PCDH11X: variants seen among roughly 807,000 people sequenced by gnomAD.
The protein encoded by PCDH11X is protocadherin 11 X-linked.
PCDH11X carries 18 observed loss-of-function variants against 53.3 expected under a neutral mutation model. The ratio of observed to expected loss-of-function variants is 0.34; its 90% CI spans 0.23 to 0.50. The LOEUF (loss-of-function observed/expected upper bound fraction) is 0.50. Among genes scored for constraint, PCDH11X ranks in the 20% least tolerant of loss-of-function variants. The pLI, the probability that PCDH11X is intolerant of heterozygous loss-of-function variation, is 0.98. For synonymous variants in PCDH11X, 279 were observed against 393.3 expected, an observed-to-expected ratio of 0.71 and a Z score of 3.44; for missense variants, 570 against 1,032.4, an observed-to-expected ratio of 0.55 and a Z score of 6.14.
chrX:92,070,966 A>AT lies in PCDH11X; in HGVS notation c.3034-130397dup, dbSNP rs60055726. Among the ~76,000 whole-genome samples, 360 of 102,513 alleles carry AT rather than the reference A, an allele frequency of 3.5e-3. 1 individual carries two copies. The highest frequency in any genetic ancestry group is 4.3e-3 in the African/African-American group (121 of 28,127). The allele number at this position is 102,513 out of a possible 115,157, so 89.0% of individuals were successfully genotyped here. A position where few individuals can be genotyped will look rare whatever the true frequency, so the allele number is the denominator to read the frequency against. ...AGGCACGCGCCACCACACGCAGCTA[A>AT]TTTTTTTTTTTTGTATTTTTAGTAA... On this transcript the variant is annotated intron_variant, in intron 6 of 10. Transcript: ENST00000682573.
In PCDH11X at chrX:92,550,891, A is replaced by G. The variant is rs775776984; in HGVS notation, c.3368-67373A>G. On this transcript the variant is annotated intron_variant, in intron 10 of 10. Coordinates refer to ENST00000682573, the MANE Select transcript of PCDH11X (RefSeq NM_032968.5). The stretch of plus-strand genomic sequence containing the variant: ...ACTTAACATAATGATCTCCAGTTCC[A>G]TTCATATTGTTGCATATGACTGGAT... Among the ~76,000 whole-genome samples the G allele has an allele frequency of 9.9e-3, 1,075 of 108,380 alleles. 4 individuals are homozygous for G. The highest frequency in any genetic ancestry group is 0.016 in the Non-Finnish European group (844 of 51,936). 94.1% of individuals were successfully genotyped at this position (108,380 alleles called of 115,157 possible).
At chrX:92,536,760 C>T (rs1221454476) in intron 10 of PCDH11X, among the ~76,000 whole-genome samples, 2 of 103,823 alleles carry the variant, frequency 1.9e-5, no homozygotes, top group African/African-American at 3.5e-5. Context: ...CGGGATCAAG[C>T]GATCTCCCTG....
chrX:92,017,025 A>AG (rs1312366601), intron 6 of PCDH11X, among the ~76,000 whole-genome samples: 1 of 101,144 alleles, frequency 9.9e-6, no homozygotes, highest in East Asian at 3.2e-4. Flanking sequence ...CTCAGAAAAT[A>AG]GGTAGGCTGA....
At chrX:92,267,976 CA>C in intron 8 of PCDH11X, among the ~76,000 whole-genome samples, 1 of 111,836 alleles carries the variant, frequency 8.9e-6, no homozygotes, top group African/African-American at 3.3e-5. Context: ...TAATGGCCCC[CA>C]AAAGGCCCCA....
intron 8 of PCDH11X, among the ~76,000 whole-genome samples, chrX:92,363,495 T>C (rs2070392688): frequency 9.0e-6 from 1 of 110,844 alleles, no homozygotes; most frequent in African/African-American, 3.3e-5. Context: ...TAGGTTCTGA[T>C]TTTGTATCCT....
At chrX:92,485,479 A>G (rs745364861) in intron 10 of PCDH11X, among the ~76,000 whole-genome samples, 63 of 111,598 alleles carry the variant, frequency 5.6e-4, no homozygotes, top group African/African-American at 2.0e-3. Context: ...AGGACATGCA[A>G]TCTATCTGAT....
intron 6 of PCDH11X, among the ~76,000 whole-genome samples, chrX:92,134,540 A>G (rs1317963729): frequency 4.5e-5 from 5 of 111,367 alleles, no homozygotes; most frequent in Non-Finnish European, 9.4e-5. Context: ...AGGGGTCTCG[A>G]TCCAGACCTC....
chrX:92,558,033 A>G lies in PCDH11X; in HGVS notation c.3368-60231A>G, dbSNP rs1446378444. Among the ~76,000 whole-genome samples the G allele has an allele frequency of 3.6e-5, 4 of 111,436 alleles. No homozygotes were observed. The East Asian group carries it at 8.5e-4, about 24-fold the overall frequency. On this transcript the variant is annotated intron_variant, in intron 10 of 10. Coordinates refer to ENST00000682573, the MANE Select transcript of PCDH11X (RefSeq NM_032968.5). ...TCAGATCTTGTGAGAACTCACTAAC[A>G]TGAGAACAGCATGGGGATAACCACC...
intron 10 of PCDH11X, among the ~76,000 whole-genome samples, chrX:92,599,044 T>C (rs1216863189): frequency 9.0e-6 from 1 of 110,761 alleles, no homozygotes; most frequent in Non-Finnish European, 1.9e-5. Flanking sequence ...CTGGGAAGCA[T>C]AGTAGAGAAA....
intron 6 of PCDH11X, among the ~76,000 whole-genome samples, chrX:92,088,829 G>A (rs1479042093): frequency 9.0e-6 from 1 of 110,829 alleles, no homozygotes; most frequent in Admixed American, 9.7e-5. Context: ...CTATTGTAGT[G>A]TCCTACAAAA....
intron 6 of PCDH11X, among the ~76,000 whole-genome samples, chrX:92,173,984 CAAAAAAAAA>C (rs145379428): frequency 3.4e-5 from 1 of 29,559 alleles, no homozygotes; most frequent in African/African-American, 1.5e-4. Context: ...GACCCAGTCT[CAAAAAAAAA>C]AAAAAAAAAA....
chrX:92,061,058 A>G (rs1378582904), intron 6 of PCDH11X, among the ~76,000 whole-genome samples: 1 of 111,684 alleles, frequency 9.0e-6, no homozygotes, highest in Non-Finnish European at 1.9e-5. Context: ...TGTAGTTTTC[A>G]TTTGCATTTC....
At chrX:92,223,258 A>G (rs1235990835) in intron 7 of PCDH11X, among the ~76,000 whole-genome samples, 3 of 111,483 alleles carry the variant, frequency 2.7e-5, no homozygotes, top group Non-Finnish European at 3.8e-5. Flanking sequence ...TCCTTTCCCA[A>G]TCAGTGCTGT....
At chrX:91,995,530 A>G (rs2147950210) in intron 6 of PCDH11X, among the ~76,000 whole-genome samples, 1 of 111,416 alleles carries the variant, frequency 9.0e-6, no homozygotes, top group African/African-American at 3.3e-5. Flanking sequence ...ATTCTGTTCC[A>G]TTGGCCTATG....
chrX:92,380,614 A>T (rs1252854043), intron 8 of PCDH11X, among the ~76,000 whole-genome samples: 1 of 111,801 alleles, frequency 8.9e-6, no homozygotes, highest in Non-Finnish European at 1.9e-5. Flanking sequence ...TCCCTTATCT[A>T]ATTCCCAAAT....
chrX:91,944,274 G>A (rs776677364), intron 6 of PCDH11X, among the ~76,000 whole-genome samples: 85 of 98,825 alleles, frequency 8.6e-4, no homozygotes, highest in African/African-American at 3.0e-3. Context: ...ATTCTTATAA[G>A]GAGAGTTTTG....
chrX:92,532,966 A>G, intron 10 of PCDH11X, among the ~76,000 whole-genome samples: 1 of 110,095 alleles, frequency 9.1e-6, no homozygotes, highest in Non-Finnish European at 1.9e-5. Flanking sequence ...TCATGGGAAT[A>G]GCACAGGAAA....
intron 6 of PCDH11X, among the ~76,000 whole-genome samples, chrX:92,032,715 C>G (rs903699285): frequency 1.9e-5 from 2 of 108,097 alleles, no homozygotes; most frequent in African/African-American, 6.9e-5. Context: ...TTATCAAATA[C>G]TTTTCTGGGA....
chrX:92,080,921 C>T (rs2063846781), intron 6 of PCDH11X, among the ~76,000 whole-genome samples: 1 of 110,811 alleles, frequency 9.0e-6, no homozygotes, highest in African/African-American at 3.3e-5. Flanking sequence ...GTCTCAGTTT[C>T]CTGTTCTTGG....
Sources: allele counts gnomAD v4.1 joint callset (sites outside exome capture counted in the v4.1 genomes callset), GRCh38; gene constraint gnomAD v4.1.1; transcripts MANE v1.5; gene names NCBI Gene and HGNC (gene_info 2026-07-23, HGNC 2026-07-21).